Variants in CUBN observed in about 807,000 individuals in gnomAD.
CUBN encodes the protein cubilin, also known as 460 kDa receptor.
In CUBN, 282 loss-of-function variants were observed where a neutral mutation model predicts 405.3. The ratio of observed to expected loss-of-function variants is 0.70; its 90% CI spans 0.63 to 0.77. The LOEUF is 0.77. CUBN is among the 30% of genes least tolerant of loss of function. The pLI, the probability that CUBN is intolerant of heterozygous loss-of-function variation, is 0.00. For synonymous variants in CUBN, 1,684 were observed against 1,617.0 expected (o/e 1.04, Z -0.99); for missense variants, 4,514 against 4,475.2 (o/e 1.01, Z -0.25).
chr10:16,955,787 A>T (rs1053094715), intron 31 of CUBN, among the ~76,000 whole-genome samples: 5 of 152,090 alleles, frequency 3.3e-5, no homozygotes, highest in African/African-American at 1.2e-4. Context: ...AGCCTAAGTA[A>T]TGGGCCCAAG....
intron 56 of CUBN, among the ~76,000 whole-genome samples, chr10:16,882,228 G>A (rs775808995): frequency 1.3e-5 from 2 of 152,150 alleles, no homozygotes; most frequent in African/African-American, 4.8e-5. Context: ...TACTTTCTCC[G>A]TGGACTAGAG....
At position 17,068,658 on chromosome 10, in the gene CUBN, C is replaced by T. The variant is rs201589187; in HGVS notation, c.2738G>A (p.Ser913Asn). The T allele has an allele frequency of 6.2e-7, 1 of 1,613,024 alleles. No homozygotes were observed. Among genetic ancestry groups the T allele is most frequent in the Non-Finnish European group, 8.5e-7 (1 of 1,179,422 alleles). ...GAAACCATGGTTTTCAGTAGAAGAA[C>T]TTTTCACGAATGTGACATAAAGAAA... Reference protein sequence around the residue: ...YNFLYVTFVKSSSTENHGFMA... With the variant: ...YNFLYVTFVKNSSTENHGFMA... Residue 913 changes from serine to asparagine, a missense_variant, in exon 20 of 67, where the codon AGT becomes AAT. By Grantham distance (46) the Ser-to-Asn change is conservative (BLOSUM62 1). This residue lies in a region of CUBN where 1,448 missense variants were observed against 1,388.0 expected (regional missense o/e 1.04). Transcript: ENST00000377833.
rs536804746 is a variant in CUBN, at chr10:16,929,041, C to A, written c.6125-738G>T. 4.2e-4 allele frequency among the ~76,000 whole-genome samples: 64 copies of A among 151,740 alleles called. 2 individuals are homozygous for A. In the South Asian group the frequency reaches 0.013, roughly 32 times the overall value. ...GTTGGCTCTTTGACCTCAGATCCTACACTAATGTTACAATATCATTCACCA... is the reference window on the plus strand; with the variant it reads ...GTTGGCTCTTTGACCTCAGATCCTAAACTAATGTTACAATATCATTCACCA... On this transcript the variant is annotated intron_variant, in intron 40 of 66. Transcript: ENST00000377833.
At chr10:17,017,622 T>TTTTG (rs1834366797) in intron 28 of CUBN, among the ~76,000 whole-genome samples, 1 of 152,186 alleles carries the variant, frequency 6.6e-6, no homozygotes, top group Non-Finnish European at 1.5e-5. Context: ...CAGGAATAGC[T>TTTTG]ATTGATAGGC....
chr10:16,869,277 C>A (rs1256648101), intron 59 of CUBN, among the ~76,000 whole-genome samples: 1 of 150,374 alleles, frequency 6.7e-6, no homozygotes, highest in Non-Finnish European at 1.5e-5. Flanking sequence ...GCAATTCTCC[C>A]ACCTCAGCCT....
chr10:16,889,935 C>CA lies in CUBN; in HGVS notation c.8755+435dup, dbSNP rs1554788544. Among the ~76,000 whole-genome samples, 141 of 19,860 alleles carry CA rather than the reference C, an allele frequency of 7.1e-3. 3 individuals carry two copies. Among genetic ancestry groups the CA allele is most frequent in the East Asian group, 0.024 (19 of 776 alleles). 13.0% of individuals were successfully genotyped at this position (19,860 alleles called of 152,430 possible). Reference sequence around the variant, plus strand: ...CTGGCGACAGAGTGAGACGCCGTGTCAAAAAAAAAAAAAAAAAACAGGAAA... The same window carrying CA: ...CTGGCGACAGAGTGAGACGCCGTGTCAAAAAAAAAAAAAAAAAAACAGGAAA... On this transcript the variant is annotated intron_variant, in intron 55 of 66. Coordinates refer to ENST00000377833, the MANE Select transcript of CUBN (RefSeq NM_001081.4).
intron 60 of CUBN, among the ~76,000 whole-genome samples, chr10:16,848,604 A>G (rs1417323409): frequency 2.8e-5 from 4 of 144,028 alleles, no homozygotes; most frequent in Admixed American, 7.2e-5. Context: ...TCTAAACCTT[A>G]TTACCTTTCT....
At chr10:16,839,989 TC>T (rs1049874206) in intron 62 of CUBN, among the ~76,000 whole-genome samples, 9 of 148,528 alleles carry the variant, frequency 6.1e-5, no homozygotes, top group African/African-American at 2.2e-4. Flanking sequence ...CACCGCATAT[TC>T]TCACTCATAG....
chr10:16,970,784 C>A (rs1843528187), intron 31 of CUBN, among the ~76,000 whole-genome samples: 1 of 152,110 alleles, frequency 6.6e-6, no homozygotes, highest in Non-Finnish European at 1.5e-5. Context: ...CCTGACATTT[C>A]TGGATCTCAG....
chr10:17,089,495 G>A (rs1390798765), intron 14 of CUBN, among the ~76,000 whole-genome samples: 2 of 152,152 alleles, frequency 1.3e-5, no homozygotes, highest in African/African-American at 2.4e-5. Flanking sequence ...CATATGAAAG[G>A]ATGTTCAACC....
chr10:17,092,675 C>A (rs1199185304), intron 14 of CUBN, among the ~76,000 whole-genome samples: 1 of 152,056 alleles, frequency 6.6e-6, no homozygotes, highest in Non-Finnish European at 1.5e-5. Flanking sequence ...TTTACAAATG[C>A]CATGGTAACA....
intron 27 of CUBN, among the ~76,000 whole-genome samples, chr10:17,037,255 C>CT (rs1834922336): frequency 6.6e-6 from 1 of 152,078 alleles, no homozygotes; most frequent in African/African-American, 2.4e-5. Flanking sequence ...TGAAGAAGTA[C>CT]TAGGTCAGTG....
intron 22 of CUBN, among the ~76,000 whole-genome samples, chr10:17,060,199 G>A (rs905458768): frequency 2.6e-5 from 4 of 151,352 alleles, no homozygotes; most frequent in Admixed American, 2.0e-4. Context: ...TTCTCTCACC[G>A]CAACCTCCGC....
intron 56 of CUBN, among the ~76,000 whole-genome samples, chr10:16,885,094 G>T (rs1358314047): frequency 6.6e-6 from 1 of 152,172 alleles, no homozygotes; most frequent in Non-Finnish European, 1.5e-5. Context: ...CTGGGGAAAG[G>T]TTACTTTTAC....
At chr10:17,118,001 A>G (rs1836945985) in intron 6 of CUBN, among the ~76,000 whole-genome samples, 1 of 152,198 alleles carries the variant, frequency 6.6e-6, no homozygotes, top group Non-Finnish European at 1.5e-5. Flanking sequence ...TAAGTGCTTA[A>G]CTATTGCAAA....
chr10:16,959,322 C>T (rs1428218163), intron 31 of CUBN, among the ~76,000 whole-genome samples: 1 of 152,146 alleles, frequency 6.6e-6, no homozygotes, highest in Non-Finnish European at 1.5e-5. Flanking sequence ...GTTTTTAACA[C>T]TTATAATATC....
rs1284674174 is a variant in CUBN at position 16,984,176 on chromosome 10, G to T, written c.4454C>A (p.Ala1485Glu). 2 of 1,614,042 alleles carry T rather than the reference G, an allele frequency of 1.2e-6. No individual in the cohort carries two copies. The highest frequency in any genetic ancestry group is 2.7e-5 in the African/African-American group (2 of 74,906). Residue 1485 changes from alanine to glutamate, a missense_variant, in exon 30 of 67, where the codon GCA (alanine) becomes GAA (glutamate). Transcript: ENST00000377833. ...MQVSSTGNEL[A>E]IRFKTDLSIN... ...GGACAAGTCGGTCTTGAATCGAATT[G>T]CTAGCTCATTTCCAGTGCTGGAGAC...
At chr10:16,890,303 A>G in intron 55 of CUBN, 68 bp downstream of exon 55, 1 of 1,559,156 alleles carries the variant, frequency 6.4e-7, no homozygotes, top group Non-Finnish European at 8.8e-7. Context: ...AGGTTTAGCC[A>G]ACCCTGCCTG....
chr10:17,072,023 G>A (rs754126201), intron 17 of CUBN, 52 bp from the exon 18 acceptor site: 14 of 1,424,028 alleles, frequency 9.8e-6, no homozygotes, highest in Admixed American at 1.8e-5. Flanking sequence ...AACTTACGTC[G>A]GCAATGGTGG....
Sources: gnomAD v4.1 joint callset for allele counts (sites outside exome capture counted in the v4.1 genomes callset) on GRCh38, gnomAD v4.1.1 for gene constraint, gnomAD v4.1.1 regional missense constraint, MANE v1.5 for transcripts, NCBI Gene and HGNC (gene_info 2026-07-23, HGNC 2026-07-21) for gene names.